SPOCK1: variants seen among roughly 807,000 people sequenced by gnomAD.
SPOCK1 encodes the protein SPARC (osteonectin), cwcv and kazal like domains proteoglycan 1, also known as testican-1.
In SPOCK1, 23 loss-of-function variants were observed where a neutral mutation model predicts 55.3. The ratio of observed to expected loss-of-function variants is 0.42; its 90% CI spans 0.30 to 0.59. The LOEUF (loss-of-function observed/expected upper bound fraction) is 0.59. SPOCK1 is among the 20% of genes least tolerant of loss of function. The pLI is 0.22. For synonymous variants in SPOCK1, 226 were observed against 221.0 expected (o/e 1.02, Z -0.20); for missense variants, 499 against 552.5 (o/e 0.90, Z 0.97).
At chr5:137,464,144 T>C (rs1168618308) in intron 2 of SPOCK1, among the ~76,000 whole-genome samples, 1 of 151,734 alleles carries the variant, frequency 6.6e-6, no homozygotes, top group African/African-American at 2.4e-5. Context: ...TAAATAAAAA[T>C]ACAAAAATTA....
intron 3 of SPOCK1, among the ~76,000 whole-genome samples, chr5:137,243,136 G>A (rs140907168): frequency 8.5e-5 from 13 of 152,192 alleles, no homozygotes; most frequent in Admixed American, 6.5e-5. Context: ...TTATCCAAAC[G>A]TGTCCTGGGA....
At chr5:137,489,503 G>T (rs1350554026) in intron 2 of SPOCK1, among the ~76,000 whole-genome samples, 1 of 152,208 alleles carries the variant, frequency 6.6e-6, no homozygotes, top group Non-Finnish European at 1.5e-5. Flanking sequence ...GACACCAGAG[G>T]AGTAGGAAGG....
intron 6 of SPOCK1, among the ~76,000 whole-genome samples, chr5:137,012,500 A>G (rs1034142471): frequency 6.6e-6 from 1 of 152,140 alleles, no homozygotes; most frequent in African/African-American, 2.4e-5. Context: ...GGCAGGCACT[A>G]TTTATCATTC....
chr5:137,441,576 A>G (rs1245351991), intron 2 of SPOCK1, among the ~76,000 whole-genome samples: 1 of 152,176 alleles, frequency 6.6e-6, no homozygotes, highest in African/African-American at 2.4e-5. Context: ...GTAGGAAGGG[A>G]ATGGAAAAGT....
chr5:137,459,905 C>T (rs1468692354), intron 2 of SPOCK1, among the ~76,000 whole-genome samples: 1 of 152,024 alleles, frequency 6.6e-6, no homozygotes, highest in Non-Finnish European at 1.5e-5. Flanking sequence ...TCCTGGAGTG[C>T]TAGGATAATG....
At chr5:136,984,799 C>T (rs1296286518) in intron 9 of SPOCK1, among the ~76,000 whole-genome samples, 2 of 152,146 alleles carry the variant, frequency 1.3e-5, no homozygotes, top group African/African-American at 4.8e-5. Flanking sequence ...AATTTTTAGA[C>T]CTTATAGTTT....
intron 2 of SPOCK1, among the ~76,000 whole-genome samples, chr5:137,419,656 C>A (rs940607373): frequency 3.3e-5 from 5 of 152,128 alleles, no homozygotes; most frequent in African/African-American, 9.7e-5. Flanking sequence ...GATTTTGTAT[C>A]CTGAGACTTT....
At chr5:137,299,118 C>T (rs1464691485) in intron 2 of SPOCK1, among the ~76,000 whole-genome samples, 1 of 152,022 alleles carries the variant, frequency 6.6e-6, no homozygotes, top group Non-Finnish European at 1.5e-5. Flanking sequence ...CTTATACTGT[C>T]TATTTTGGCT....
chr5:137,304,932 C>T (rs1316771337), intron 2 of SPOCK1, among the ~76,000 whole-genome samples: 1 of 152,156 alleles, frequency 6.6e-6, no homozygotes, highest in Admixed American at 6.5e-5. Flanking sequence ...GTACCATAAA[C>T]TGGGGGCTTA....
intron 4 of SPOCK1, among the ~76,000 whole-genome samples, chr5:137,130,056 T>C (rs1753844866): frequency 1.3e-5 from 2 of 152,144 alleles, no homozygotes; most frequent in African/African-American, 4.8e-5. Flanking sequence ...TTGACCTGGG[T>C]CCAGGAATGA....
chr5:137,456,757 G>C (rs1015718270), intron 2 of SPOCK1, among the ~76,000 whole-genome samples: 3 of 152,134 alleles, frequency 2.0e-5, no homozygotes, highest in Non-Finnish European at 2.9e-5. Context: ...AATGGATACC[G>C]TGGTAGACTG....
intron 3 of SPOCK1, among the ~76,000 whole-genome samples, chr5:137,223,932 C>T (rs191554257): frequency 3.3e-4 from 50 of 152,310 alleles, no homozygotes; most frequent in Admixed American, 7.8e-4. Context: ...CCTTAGTGCA[C>T]GCACCTACTA....
At chr5:137,225,928 C>A (rs111807651) in intron 3 of SPOCK1, among the ~76,000 whole-genome samples, 4 of 152,208 alleles carry the variant, frequency 2.6e-5, no homozygotes, top group Admixed American at 6.5e-5. Flanking sequence ...GGTCTCCCCC[C>A]AGAGAGCACC....
intron 2 of SPOCK1, among the ~76,000 whole-genome samples, chr5:137,393,985 C>T (rs149782216): frequency 6.6e-4 from 100 of 152,074 alleles, no homozygotes; most frequent in Middle Eastern, 3.4e-3. Flanking sequence ...CTACAGTTAA[C>T]ATGGATGACT....
At chr5:137,131,695 G>C (rs1003701100) in intron 4 of SPOCK1, among the ~76,000 whole-genome samples, 1 of 147,362 alleles carries the variant, frequency 6.8e-6, no homozygotes, top group African/African-American at 2.5e-5. Context: ...TCTCCCCCCC[G>C]GGTGTGGTAG....
chr5:137,074,924 C>G (rs759544246), intron 5 of SPOCK1, among the ~76,000 whole-genome samples: 4 of 152,102 alleles, frequency 2.6e-5, no homozygotes, highest in Non-Finnish European at 4.4e-5. Context: ...AGGATGGTCT[C>G]GATCTCCTGA....
At chr5:137,114,253 G>A (rs1314759957) in intron 4 of SPOCK1, among the ~76,000 whole-genome samples, 1 of 152,186 alleles carries the variant, frequency 6.6e-6, no homozygotes, top group Non-Finnish European at 1.5e-5. Flanking sequence ...TACTAGCGGG[G>A]AAAACTGAAA....
At chr5:137,202,715 T>C (rs149385182) in intron 3 of SPOCK1, among the ~76,000 whole-genome samples, 9 of 152,214 alleles carry the variant, frequency 5.9e-5, no homozygotes, top group Admixed American at 5.2e-4. Flanking sequence ...AAAAGGAAAA[T>C]AACAGCAAAG....
rs1250466005 is a variant in SPOCK1, at chr5:136,979,496, A to T, written c.992-27T>A. The T allele has an allele frequency of 3.3e-6, 5 of 1,527,602 alleles. No homozygotes were observed. In the African/African-American group the frequency reaches 8.3e-5, roughly 26 times the overall value. 94.6% of individuals were successfully genotyped at this position (1,527,602 alleles called of 1,614,324 possible). ...TGGGGGAACAAAAGGTGCAACTTTA[A>T]TCAGAGACATGCAGATGATACTCGG... On this transcript the variant is annotated intron_variant, in intron 9 of 10. Coordinates refer to ENST00000394945, the MANE Select transcript of SPOCK1 (RefSeq NM_004598.4).
Sources: allele counts gnomAD v4.1 joint callset (sites outside exome capture counted in the v4.1 genomes callset), GRCh38; gene constraint gnomAD v4.1.1; transcripts MANE v1.5; gene names NCBI Gene and HGNC (gene_info 2026-07-23, HGNC 2026-07-21).